Variants in PUF60 observed in about 807,000 individuals in gnomAD.
PUF60 encodes the protein poly(U)-binding-splicing factor PUF60.
A neutral mutation model predicts 61.8 loss-of-function variants in PUF60; 10 were observed. That is an observed-to-expected ratio of 0.16 (90% CI 0.10 to 0.27). The LOEUF is 0.27. PUF60 is among the 10% of genes least tolerant of loss of function. The pLI is 1.00. For synonymous variants in PUF60, 353 were observed against 300.9 expected, an observed-to-expected ratio of 1.17 and a Z score of -1.79; for missense variants, 371 against 754.0, an observed-to-expected ratio of 0.49 and a Z score of 5.95.
At chr8:143,820,950 A>AAGGG (rs1174866653) in intron 4 of PUF60, among the ~76,000 whole-genome samples, 2 of 152,006 alleles carry the variant, frequency 1.3e-5, no homozygotes, top group East Asian at 3.9e-4. Flanking sequence ...GGGAGGGAGG[A>AAGGG]AGGGAGGGAG....
At position 143,824,349 on chromosome 8, in the gene PUF60, TGCC is replaced by T. The variant is rs540307276; in HGVS notation, c.72_74del (p.Ala25del). 5.6e-5 allele frequency: 90 copies of T among 1,611,364 alleles called. No individual in the cohort carries two copies. The highest frequency in any genetic ancestry group is 3.4e-4 in the South Asian group (31 of 91,028). On this transcript the variant is annotated inframe_deletion, in exon 2 of 12. Transcript: ENST00000526683. ...TCCATTTGTCTCCCGCTGCCACCAC[TGCC>T]GCCGCCGCCGCCGGCTCGGACCCCC...
At position 143,817,789 on chromosome 8, in the gene PUF60, G is replaced by C; in HGVS notation, c.818-7C>G. The C allele has an allele frequency of 6.2e-7, 1 of 1,608,618 alleles. No homozygotes were observed. Among genetic ancestry groups the C allele is most frequent in the Non-Finnish European group, 8.5e-7 (1 of 1,177,978 alleles). ...GACTGGGCCTTCTCGTACTCTGTGGGCAGGAGCAGCAGTGAGCAGGGCCAG... is the reference window on the plus strand; with the variant it reads ...GACTGGGCCTTCTCGTACTCTGTGGCCAGGAGCAGCAGTGAGCAGGGCCAG... On this transcript the variant is annotated splice_polypyrimidine_tract_variant and splice_region_variant and intron_variant, in intron 8 of 11. Coordinates refer to ENST00000526683, the MANE Select transcript of PUF60 (RefSeq NM_078480.3). This position sits in a 1 kb window ranked among gnomAD's most constrained non-coding sequence, Gnocchi z 7.4.
Position 143,821,851 on chromosome 8 carries a change from G to C in PUF60, c.174C>G (p.Pro58=), listed in dbSNP as rs751778060. ...QSTAAKLGLP[P]LTPEQQEALQ... is the part of the protein sequence containing the mutation. ...GGGCCTCCTGCTGCTCGGGCGTCAG[G>C]GGAGGCAGCCCCAGCTTGGCGGCTG... The change falls in exon 3 of 12, where the codon CCC becomes CCG. Residue 58 remains proline (P), a synonymous_variant. Coordinates refer to ENST00000526683, the MANE Select transcript of PUF60 (RefSeq NM_078480.3). 2 of 1,611,146 alleles carry C rather than the reference G, an allele frequency of 1.2e-6. No homozygotes were observed. Among genetic ancestry groups the C allele is most frequent in the Admixed American group, 1.7e-5 (1 of 59,924 alleles).
At chr8:143,821,712 C>A in intron 3 of PUF60, 26 bp from the exon 4 acceptor site, 1 of 1,547,572 alleles carries the variant, frequency 6.5e-7, no homozygotes, top group Non-Finnish European at 8.7e-7. Context: ...GTGAGGAGCA[C>A]TGGGGGCCCA....
rs1423069339 is a variant in PUF60 at position 143,817,268 on chromosome 8, G to A, written c.1144+63C>T. 6 of 1,546,054 alleles carry A rather than the reference G, an allele frequency of 3.9e-6. No homozygotes were observed. Among genetic ancestry groups the A allele is most frequent in the East Asian group, 4.5e-5 (2 of 44,024 alleles). On this transcript the variant is annotated intron_variant, in intron 10 of 11. Coordinates refer to ENST00000526683, the MANE Select transcript of PUF60 (RefSeq NM_078480.3). The surrounding 1 kb of genome is among the most constrained non-coding windows in gnomAD (Gnocchi z 7.4). ...CAGACCACCAGGGCCAGGCAGCTGA[G>A]GGCAGCGAGCCGAGAGATGCCAGGA...
intron 2 of PUF60, chr8:143,822,513 G>C: frequency 2.2e-6 from 1 of 456,620 alleles, no homozygotes; most frequent in Non-Finnish European, 4.4e-6. Flanking sequence ...CCTCTCTCGG[G>C]CCACACAAGC....
At chr8:143,820,536 G>T in intron 5 of PUF60, 130 bp downstream of exon 5, 1 of 1,089,582 alleles carries the variant, frequency 9.2e-7, no homozygotes, top group Non-Finnish European at 1.4e-6. Context: ...CTGGCGCTCT[G>T]CTGCGCTCGT....
At chr8:143,822,496 AC>A (rs1290502552) in intron 2 of PUF60, 1 of 456,574 alleles carries the variant, frequency 2.2e-6, no homozygotes, top group African/African-American at 2.0e-5. Context: ...CTCCCAGAGA[AC>A]ACAGGCCTCT....
chr8:143,820,494 G>T, intron 5 of PUF60, 172 bp downstream of exon 5: 1 of 729,708 alleles, frequency 1.4e-6, no homozygotes, highest in South Asian at 1.7e-5. Flanking sequence ...GGCGGTCCCG[G>T]GTGGGTGCCC....
Position 143,818,089 on chromosome 8 carries a change from G to A in PUF60, c.604-14C>T, listed in dbSNP as rs372889068. The A allele has an allele frequency of 1.5e-5, 24 of 1,610,034 alleles. No homozygotes were observed. Among genetic ancestry groups the A allele is most frequent in the Middle Eastern group, 1.7e-4 (1 of 6,060 alleles). On this transcript the variant is annotated splice_polypyrimidine_tract_variant and intron_variant, in intron 7 of 11. Coordinates refer to ENST00000526683, the MANE Select transcript of PUF60 (RefSeq NM_078480.3). This position sits in a 1 kb window ranked among gnomAD's most constrained non-coding sequence, Gnocchi z 7.9. The stretch of plus-strand genomic sequence containing the variant: ...GGGTCTGCCCACCTGGGGAAGAGGC[G>A]GTGAGATGGAAAGACCGGTCAACCC...
At chr8:143,820,544 C>T (rs4076877) in intron 5 of PUF60, 122 bp downstream of exon 5, 47,151 of 1,148,114 alleles carry the variant, frequency 0.041, 1,216 homozygotes, top group Non-Finnish European at 0.052. Flanking sequence ...CTGCTGCGCT[C>T]GTCCAGAGCT....
At chr8:143,828,465 C>T (rs1031754540) in intron 1 of PUF60, among the ~76,000 whole-genome samples, 2 of 152,234 alleles carry the variant, frequency 1.3e-5, no homozygotes, top group African/African-American at 2.4e-5. Context: ...GTGTTGTGTG[C>T]ATGGGTGTTC....
chr8:143,829,042 A>AGGCCCCCGCCCCG, intron 1 of PUF60: 1 of 1,008,270 alleles, frequency 9.9e-7, no homozygotes, highest in Non-Finnish European at 1.2e-6. Context: ...CGCCGCGCCC[A>AGGCCCCCGCCCCG]GGCCCCCGCC....
At chr8:143,819,533 C>G (rs1200202622) in intron 5 of PUF60, among the ~76,000 whole-genome samples, 2 of 152,198 alleles carry the variant, frequency 1.3e-5, no homozygotes, top group Non-Finnish European at 2.9e-5. Flanking sequence ...TAGACATCAG[C>G]TGGCCTAATG....
chr8:143,820,938 AAGGG>A (rs1018428391), intron 4 of PUF60, among the ~76,000 whole-genome samples: 1 of 151,936 alleles, frequency 6.6e-6, no homozygotes. Flanking sequence ...GGCAGAAAGG[AAGGG>A]AGGGAGGAAG....
chr8:143,825,505 C>A (rs537978529), intron 1 of PUF60, among the ~76,000 whole-genome samples: 1 of 152,114 alleles, frequency 6.6e-6, no homozygotes, highest in Admixed American at 6.5e-5. Flanking sequence ...CCACTGCATG[C>A]ACAGCCAGAG....
chr8:143,824,246 A>T (rs569131986), intron 2 of PUF60, 67 bp downstream of exon 2: 1 of 1,470,444 alleles, frequency 6.8e-7, no homozygotes, highest in Non-Finnish European at 9.2e-7. Context: ...CCAGGGACGC[A>T]CAGGCAGGCG....
Position 143,817,652 on chromosome 8 carries a change from T to C in PUF60, c.948A>G (p.Gly316=). 1 of 1,612,594 alleles carries C rather than the reference T, an allele frequency of 6.2e-7. No individual in the cohort carries two copies. Among genetic ancestry groups the C allele is most frequent in the Non-Finnish European group, 8.5e-7 (1 of 1,179,842 alleles). The change falls in exon 9 of 12, where the codon GGA becomes GGG. Residue 316 remains glycine (G), a synonymous_variant. Transcript: ENST00000526683. The surrounding 1 kb of genome is among the most constrained non-coding windows in gnomAD (Gnocchi z 7.4). ...CCACAGCAGCGGCAGGTGGGAGGCCTCCAGGCGTGGCTGGTGTGAGTAGGG... is the reference window on the plus strand; with the variant it reads ...CCACAGCAGCGGCAGGTGGGAGGCCCCCAGGCGTGGCTGGTGTGAGTAGGG... ...PMPLLTPATP[G]GLPPAAAVAA... is the part of the protein sequence containing the mutation.
intron 5 of PUF60, among the ~76,000 whole-genome samples, chr8:143,820,064 A>G (rs914817220): frequency 2.6e-5 from 4 of 151,892 alleles, no homozygotes; most frequent in African/African-American, 7.3e-5. Flanking sequence ...AGGGAGGGAC[A>G]CCTCCTTCCC....
Sources: gnomAD v4.1 joint callset for allele counts (sites outside exome capture counted in the v4.1 genomes callset) on GRCh38, gnomAD v4.1.1 for gene constraint, Gnocchi (gnomAD v3.1) non-coding constraint, MANE v1.5 for transcripts, NCBI Gene and HGNC (gene_info 2026-07-23, HGNC 2026-07-21) for gene names.